MAPK8IP2: variants seen among roughly 807,000 people sequenced by gnomAD.
MAPK8IP2 encodes mitogen-activated protein kinase 8 interacting protein 2, also known as C-Jun-amino-terminal kinase-interacting protein 2.
A neutral mutation model predicts 75.6 loss-of-function variants in MAPK8IP2; 15 were observed. The observed-to-expected ratio is 0.20, with a 90% CI of 0.13 to 0.31. The LOEUF (loss-of-function observed/expected upper bound fraction) is 0.31. Ranked by LOEUF, MAPK8IP2 falls within the 10% of genes least tolerant of loss-of-function variation. The pLI is 1.00. For missense variants in MAPK8IP2, 1,089 were observed against 1,211.2 expected, an observed-to-expected ratio of 0.90 and a Z score of 1.50; for synonymous variants, 632 against 554.5, an observed-to-expected ratio of 1.14 and a Z score of -1.96.
intron 2 of MAPK8IP2, among the ~76,000 whole-genome samples, chr22:50,602,661 A>G (rs568097390): frequency 1.3e-5 from 2 of 152,254 alleles, no homozygotes; most frequent in East Asian, 3.9e-4. Context: ...AATGGAGGAG[A>G]GGAAGTGCCA....
At chr22:50,608,445 G>T (rs1490520001) in intron 10 of MAPK8IP2, among the ~76,000 whole-genome samples, 1 of 111,536 alleles carries the variant, frequency 9.0e-6, no homozygotes, top group Admixed American at 9.2e-5. Flanking sequence ...AGCGAACGGG[G>T]CGCAGACCAG....
chr22:50,601,891 G>A lies in MAPK8IP2; in HGVS notation c.168G>A (p.Glu56=). 1.2e-6 allele frequency: 2 copies of A among 1,612,024 alleles called. No individual in the cohort carries two copies. The highest frequency in any genetic ancestry group is 1.7e-6 in the Non-Finnish European group (2 of 1,178,172). Residue 56 remains glutamate, a synonymous_variant, in exon 2 of 12, where the codon GAG becomes GAA. Transcript: ENST00000329492. ...TCAGCTACGACTCAGACCACTGTGA[G>A]AAGGTGGGAGAAGAGTTGGGGACAC... ...LGLSYDSDHC[E]KDSLSLGRSE...
At chr22:50,609,928 G>T in intron 10 of MAPK8IP2, 1 of 617,324 alleles carries the variant, frequency 1.6e-6, no homozygotes. Context: ...GCCCTGAATA[G>T]GGCCACAGAG....
At position 50,605,936 on chromosome 22, in the gene MAPK8IP2, T is replaced by C; in HGVS notation, c.2124+2T>C. On this transcript the variant is annotated splice_donor_variant, in intron 8 of 11. Transcript: ENST00000329492. LOFTEE classifies it high-confidence loss of function. ...ATCCTGTGTGCAGCCATGCAGAAGGTCAGTGTGGAGGCCGGGCAAGTGCAG... is the reference window on the plus strand; with the variant it reads ...ATCCTGTGTGCAGCCATGCAGAAGGCCAGTGTGGAGGCCGGGCAAGTGCAG... 1 of 1,566,516 alleles carries C rather than the reference T, an allele frequency of 6.4e-7. No individual in the cohort carries two copies.
chr22:50,608,664 A>AAC (rs1334871465), intron 10 of MAPK8IP2, among the ~76,000 whole-genome samples: 1 of 120,286 alleles, frequency 8.3e-6, no homozygotes, highest in East Asian at 2.7e-4. Flanking sequence ...GACAGCGGGC[A>AAC]GGGGCGCAGA....
At chr22:50,605,249 G>A (rs1419324360) in intron 5 of MAPK8IP2, 119 bp from the exon 6 acceptor site, 17 of 1,147,984 alleles carry the variant, frequency 1.5e-5, no homozygotes, top group African/African-American at 3.0e-5. Flanking sequence ...CTTCCCGCTC[G>A]TAGGACACCT....
At chr22:50,606,034 C>A in intron 8 of MAPK8IP2, 100 bp downstream of exon 8, 1 of 990,856 alleles carries the variant, frequency 1.0e-6, no homozygotes, top group South Asian at 1.5e-5. Context: ...GGTCTGAGGT[C>A]TGATTTCCTC....
At chr22:50,601,667 A>G in intron 1 of MAPK8IP2, 122 bp from the exon 2 acceptor site, 2 of 676,156 alleles carry the variant, frequency 3.0e-6, no homozygotes, top group Non-Finnish European at 5.3e-6. Flanking sequence ...GTGTTCCGAG[A>G]GCTGGGGGCT....
intron 5 of MAPK8IP2, 144 bp from the exon 6 acceptor site, chr22:50,605,224 G>C (rs1195265668): frequency 1.8e-6 from 2 of 1,093,408 alleles, no homozygotes; most frequent in East Asian, 2.5e-5. Context: ...GAGGTGGCCT[G>C]CTCTGCCTCA....
chr22:50,609,802 C>A (rs557764409), intron 10 of MAPK8IP2: 9 of 520,200 alleles, frequency 1.7e-5, no homozygotes, highest in South Asian at 1.3e-4. Flanking sequence ...CCAGCCCCAC[C>A]TCGGAGCTGG....
intron 5 of MAPK8IP2, 94 bp from the exon 6 acceptor site, chr22:50,605,273 GA>G: frequency 8.0e-7 from 1 of 1,242,472 alleles, no homozygotes; most frequent in Non-Finnish European, 1.2e-6. Flanking sequence ...CCGGACTGTG[GA>G]GGGGACTTGG....
At position 50,607,225 on chromosome 22, in the gene MAPK8IP2, C is replaced by T. The variant is rs528504389; in HGVS notation, c.2303+234C>T. ...GTCTGGGTGGAGAGAGGCACACGGG[C>T]GAAGGATGTGAGAAGCCTGTGTGGG... On this transcript the variant is annotated intron_variant, in intron 10 of 11. Coordinates refer to ENST00000329492, the MANE Select transcript of MAPK8IP2 (RefSeq NM_012324.6). This position sits in a 1 kb window ranked among gnomAD's most constrained non-coding sequence, Gnocchi z 5.6. Among the ~76,000 whole-genome samples the T allele has an allele frequency of 5.3e-5, 8 of 152,182 alleles. No individual in the cohort carries two copies. The highest frequency in any genetic ancestry group is 1.4e-4 in the African/African-American group (6 of 41,508).
chr22:50,611,301 C>T lies in MAPK8IP2; in HGVS notation c.*522C>T, dbSNP rs1483971451. ...GGGCCCCCTCGCCCCAGCCCCACCC[C>T]ACATGGAGCTCAGGGGGAAGCAGGG... On this transcript the variant is annotated 3_prime_UTR_variant, in exon 12 of 12. Transcript: ENST00000329492. This position sits in a 1 kb window ranked among gnomAD's most constrained non-coding sequence, Gnocchi z 5.5. 1 of 153,180 alleles carries T rather than the reference C, an allele frequency of 6.5e-6. No homozygotes were observed. The highest frequency in any genetic ancestry group is 1.5e-5 in the Non-Finnish European group (1 of 68,454). 9.5% of individuals were successfully genotyped at this position (153,180 alleles called of 1,614,324 possible). A position where few individuals can be genotyped will look rare whatever the true frequency, so the allele number is the denominator to read the frequency against.
At chr22:50,606,838 T>C in intron 9 of MAPK8IP2, 73 bp downstream of exon 9, 2 of 1,594,212 alleles carry the variant, frequency 1.3e-6, no homozygotes, top group Non-Finnish European at 1.7e-6. Context: ...GGGGCCAGGC[T>C]GGCAGGGGTG....
chr22:50,613,838 C>G lies in MAPK8IP2; in HGVS notation c.*3059C>G, dbSNP rs1452095574. On this transcript the variant is annotated 3_prime_UTR_variant, in exon 12 of 12. Transcript: ENST00000329492. ...GGCTGCTGACTGTGAGCCCAGAGAG[C>G]AGGCGTGGCTGTTGACCTTAGGTCC... 6.6e-5 allele frequency: 10 copies of G among 152,264 alleles called. No individual in the cohort carries two copies. The highest frequency in any genetic ancestry group is 2.4e-4 in the African/African-American group (10 of 41,466). 9.4% of individuals were successfully genotyped at this position (152,264 alleles called of 1,614,324 possible).
At position 50,610,025 on chromosome 22, in the gene MAPK8IP2, C is replaced by T. The variant is rs1467207480; in HGVS notation, c.2304-187C>T. ...AGAGCGTGAACTCTTGGTAGGTGCC[C>T]AGCCCTGTGCTTGGGCTGAAACCAA... On this transcript the variant is annotated intron_variant, in intron 10 of 11. Transcript: ENST00000329492. The surrounding 1 kb of genome is among the most constrained non-coding windows in gnomAD (Gnocchi z 4.3). The T allele has an allele frequency of 2.7e-6, 2 of 734,760 alleles. No individual in the cohort carries two copies. Among genetic ancestry groups the T allele is most frequent in the South Asian group, 2.8e-5 (2 of 70,674 alleles). The allele number at this position is 734,760 out of a possible 1,614,324, so 45.5% of individuals were successfully genotyped here. A position where few individuals can be genotyped will look rare whatever the true frequency, so the allele number is the denominator to read the frequency against.
chr22:50,600,848 C>T lies in MAPK8IP2; in HGVS notation c.30C>T (p.Leu10=), dbSNP rs752050296. The T allele has an allele frequency of 5.3e-6, 7 of 1,310,822 alleles. No individual in the cohort carries two copies. The highest frequency in any genetic ancestry group is 7.0e-6 in the Non-Finnish European group (7 of 1,004,268). The allele number at this position is 1,310,822 out of a possible 1,614,324, so 81.2% of individuals were successfully genotyped here. The change falls in exon 1 of 12, where the codon CTC becomes CTT. Residue 10 remains leucine (L), a synonymous_variant. Transcript: ENST00000329492. The part of the protein sequence containing the change: MADRAEMFS[L]STFHSLSPPG... ...CGGATCGCGCGGAGATGTTTTCTCTCTCCACCTTCCACTCGCTGTCGCCGC... is the reference window on the plus strand; with the variant it reads ...CGGATCGCGCGGAGATGTTTTCTCTTTCCACCTTCCACTCGCTGTCGCCGC...
rs777240059 is a variant in MAPK8IP2, at chr22:50,604,243, G to A, written c.944G>A (p.Arg315His). 2.2e-5 allele frequency: 34 copies of A among 1,563,702 alleles called. No homozygotes were observed. The highest frequency in any genetic ancestry group is 2.8e-5 in the Non-Finnish European group (33 of 1,163,218). ...CCGGAGCCCCCGCGCGAACCCCCGC[G>A]CCGCCCCGCCTTCCTGCCCGTGGGC... is the stretch of plus-strand genomic sequence containing the variant. ...SEPEPPREPP[R>H]RPAFLPVGPD... The change falls in exon 5 of 12, where the codon CGC (arginine) becomes CAC (histidine). Residue 315 changes from arginine (R) to histidine (H), a missense_variant. Physicochemically the swap from Arg to His is conservative, Grantham distance 29 (BLOSUM62 0). Around this residue, in one of 2 missense-constraint regions of MAPK8IP2, gnomAD observed 960 missense variants for 1,009.6 expected, o/e 0.95. Coordinates refer to ENST00000329492, the MANE Select transcript of MAPK8IP2 (RefSeq NM_012324.6).
chr22:50,603,169 C>A (rs769067192), intron 2 of MAPK8IP2, 54 bp from the exon 3 acceptor site: 1 of 1,611,474 alleles, frequency 6.2e-7, no homozygotes, highest in Non-Finnish European at 8.5e-7. Context: ...CACCTGGGCC[C>A]CTGGGCTACT....
Sources: allele counts gnomAD v4.1 joint callset (sites outside exome capture counted in the v4.1 genomes callset), GRCh38; gene constraint gnomAD v4.1.1; regional missense constraint gnomAD v4.1.1; non-coding constraint Gnocchi (gnomAD v3.1); transcripts MANE v1.5; gene names NCBI Gene and HGNC (gene_info 2026-07-23, HGNC 2026-07-21).